The following NEGR1 variants were observed in gnomAD, a reference collection of about 807,000 sequenced individuals.
NEGR1 encodes neuronal growth regulator 1, also known as IgLON family member 4.
A neutral mutation model predicts 40.9 loss-of-function variants in NEGR1; 10 were observed. The observed-to-expected ratio is 0.24, with a 90% confidence interval of 0.15 to 0.42. The LOEUF (loss-of-function observed/expected upper bound fraction) is 0.42, where lower values mean the gene tolerates loss of function less well. Among genes scored for constraint, NEGR1 ranks in the 10% least tolerant of loss-of-function variants. The pLI is 1.00. For synonymous variants in NEGR1, 185 were observed against 166.8 expected (o/e 1.11, Z -0.84); for missense variants, 352 against 438.9 (o/e 0.80, Z 1.77).
intron 1 of NEGR1, among the ~76,000 whole-genome samples, chr1:72,268,805 T>C (rs985754896): frequency 6.6e-6 from 1 of 151,540 alleles, no homozygotes; most frequent in Non-Finnish European, 1.5e-5. Context: ...CCAAATGAGA[T>C]AACAGACTAA....
intron 2 of NEGR1, among the ~76,000 whole-genome samples, chr1:71,900,834 C>A (rs1661123993): frequency 6.6e-6 from 1 of 152,002 alleles, no homozygotes; most frequent in Non-Finnish European, 1.5e-5. Flanking sequence ...TGGAAAGATA[C>A]ATTGAAGGGA....
intron 1 of NEGR1, among the ~76,000 whole-genome samples, chr1:72,085,730 G>C (rs900705782): frequency 4.6e-5 from 7 of 152,126 alleles, no homozygotes; most frequent in Non-Finnish European, 1.0e-4. Context: ...AGCACTTTGG[G>C]AGGCTGAGGC....
intron 3 of NEGR1, among the ~76,000 whole-genome samples, chr1:71,769,793 A>C (rs1656252148): frequency 6.6e-6 from 1 of 152,196 alleles, no homozygotes; most frequent in Non-Finnish European, 1.5e-5. Context: ...TCTGTTCAAA[A>C]ATTTAAACAC....
chr1:71,705,737 AAAAG>A (rs908492679), intron 3 of NEGR1, among the ~76,000 whole-genome samples: 2 of 151,934 alleles, frequency 1.3e-5, no homozygotes, highest in African/African-American at 4.8e-5. Context: ...GAAAGAAAAG[AAAAG>A]AAAGAAAAGA....
intron 6 of NEGR1, among the ~76,000 whole-genome samples, chr1:71,541,846 C>T (rs1052855928): frequency 6.6e-6 from 1 of 151,718 alleles, no homozygotes; most frequent in African/African-American, 2.4e-5. Flanking sequence ...GAAGGGTGAC[C>T]AGGGAGGCTT....
At chr1:71,886,856 C>T (rs1660738161) in intron 2 of NEGR1, among the ~76,000 whole-genome samples, 1 of 152,080 alleles carries the variant, frequency 6.6e-6, no homozygotes, top group South Asian at 2.1e-4. Context: ...CTACACTTAC[C>T]ACTTAGTTAC....
intron 6 of NEGR1, among the ~76,000 whole-genome samples, chr1:71,562,097 C>T (rs1648480988): frequency 6.6e-6 from 1 of 151,442 alleles, no homozygotes; most frequent in African/African-American, 2.4e-5. Flanking sequence ...TTTATCTTGC[C>T]CTGTAGCCAA....
rs374011503 is a variant in NEGR1, at chr1:71,882,323, T to C, written c.409+52756A>G. Among the ~76,000 whole-genome samples the C allele has an allele frequency of 2.6e-5, 4 of 152,090 alleles. No homozygotes were observed. In the East Asian group the frequency reaches 5.8e-4, roughly 22 times the overall value. ...GAGTTACTTATATCAAAACTCAAAG[T>C]CAGTATAAACGTTGGCAGAAGATTT... is the stretch of plus-strand genomic sequence containing the variant. On this transcript the variant is annotated intron_variant, in intron 2 of 6. Coordinates refer to ENST00000357731, the MANE Select transcript of NEGR1 (RefSeq NM_173808.3).
chr1:71,633,869 G>A (rs1440661574), intron 4 of NEGR1, among the ~76,000 whole-genome samples: 1 of 152,060 alleles, frequency 6.6e-6, no homozygotes, highest in Admixed American at 6.6e-5. Context: ...TTTTAGCCAA[G>A]GCTGTTGTTT....
At chr1:72,043,369 C>T (rs1476472309) in intron 1 of NEGR1, among the ~76,000 whole-genome samples, 1 of 151,676 alleles carries the variant, frequency 6.6e-6, no homozygotes, top group Non-Finnish European at 1.5e-5. Context: ...TGGGTCCTGA[C>T]TGATATACTC....
At chr1:71,978,862 A>T (rs940598946) in intron 1 of NEGR1, among the ~76,000 whole-genome samples, 3 of 152,178 alleles carry the variant, frequency 2.0e-5, no homozygotes, top group African/African-American at 7.2e-5. Context: ...ACTCTGGGAT[A>T]ACCCAAAGGA....
intron 3 of NEGR1, among the ~76,000 whole-genome samples, chr1:71,755,289 C>T (rs1389678480): frequency 6.6e-6 from 1 of 152,106 alleles, no homozygotes; most frequent in African/African-American, 2.4e-5. Context: ...ACTGTCATTA[C>T]CCTCAAGTCA....
intron 1 of NEGR1, among the ~76,000 whole-genome samples, chr1:71,968,549 G>T (rs1646229929): frequency 2.0e-5 from 3 of 152,118 alleles, no homozygotes; most frequent in Admixed American, 2.0e-4. Context: ...TACTTTAAAG[G>T]GGGAATAATA....
intron 2 of NEGR1, among the ~76,000 whole-genome samples, chr1:71,855,711 A>G (rs1272082986): frequency 6.6e-6 from 1 of 151,628 alleles, no homozygotes. Context: ...CTTTTCTTTT[A>G]AGGTGCTCAA....
chr1:71,749,366 C>A (rs1214152087), intron 3 of NEGR1, among the ~76,000 whole-genome samples: 1 of 152,102 alleles, frequency 6.6e-6, no homozygotes, highest in African/African-American at 2.4e-5. Context: ...CTTAACTTAC[C>A]TAAACCTCAG....
At chr1:71,733,517 A>T (rs1654952137) in intron 3 of NEGR1, among the ~76,000 whole-genome samples, 1 of 152,158 alleles carries the variant, frequency 6.6e-6, no homozygotes, top group Non-Finnish European at 1.5e-5. Context: ...TGTAAATGTC[A>T]CTTGCCCAGA....
chr1:71,735,976 A>G (rs1379401544), intron 3 of NEGR1, among the ~76,000 whole-genome samples: 5 of 152,102 alleles, frequency 3.3e-5, no homozygotes, highest in African/African-American at 9.7e-5. Context: ...GAAATGATCA[A>G]TTAATGTTTA....
In NEGR1 at chr1:71,417,310, G is replaced by A. The variant is rs146809388; in HGVS notation, c.941-9740C>T. Reference sequence around the variant, plus strand: ...CATCAAACTATTTATTACAGAGAATGGAAGTATAGATACATTGTTTAAATT... The same window carrying A: ...CATCAAACTATTTATTACAGAGAATAGAAGTATAGATACATTGTTTAAATT... On this transcript the variant is annotated intron_variant, in intron 6 of 6. Transcript: ENST00000357731. Among the ~76,000 whole-genome samples the A allele has an allele frequency of 5.5e-3, 830 of 152,194 alleles. 4 individuals are homozygous for A. Among genetic ancestry groups the A allele is most frequent in the South Asian group, 0.017 (84 of 4,820 alleles).
chr1:71,829,883 A>C (rs1263670483), intron 2 of NEGR1, among the ~76,000 whole-genome samples: 1 of 151,858 alleles, frequency 6.6e-6, no homozygotes, highest in East Asian at 1.9e-4. Flanking sequence ...TTATTACTTA[A>C]AATAACTACC....
Sources: allele counts gnomAD v4.1 joint callset (sites outside exome capture counted in the v4.1 genomes callset), GRCh38; gene constraint gnomAD v4.1.1; transcripts MANE v1.5; gene names NCBI Gene and HGNC (gene_info 2026-07-23, HGNC 2026-07-21).